The following MGAT5 variants were observed in gnomAD, a reference collection of about 807,000 sequenced individuals.
MGAT5 encodes alpha-1,6-mannosylglycoprotein 6-beta-N-acetylglucosaminyltransferase A.
MGAT5 carries 30 observed loss-of-function variants against 94.3 expected under a neutral mutation model. The observed-to-expected ratio is 0.32, with a 90% confidence interval of 0.24 to 0.43. The LOEUF is 0.43. Among genes scored for constraint, MGAT5 ranks in the 20% least tolerant of loss-of-function variants. MGAT5 has a pLI of 1.00. For synonymous variants in MGAT5, 310 were observed against 322.9 expected, an observed-to-expected ratio of 0.96 and a Z score of 0.43; for missense variants, 691 against 905.5, an observed-to-expected ratio of 0.76 and a Z score of 3.04.
intron 2 of MGAT5, among the ~76,000 whole-genome samples, chr2:134,281,064 C>G (rs748719974): frequency 7.2e-5 from 11 of 152,172 alleles, no homozygotes; most frequent in Non-Finnish European, 1.6e-4. Flanking sequence ...ACTCTGGGTC[C>G]ACTTACATAC....
chr2:134,370,275 T>C (rs1488321750), intron 10 of MGAT5, among the ~76,000 whole-genome samples: 1 of 152,246 alleles, frequency 6.6e-6, no homozygotes, highest in Non-Finnish European at 1.5e-5. Context: ...TTTTTGTAAG[T>C]AGATTAAACC....
intron 2 of MGAT5, among the ~76,000 whole-genome samples, chr2:134,294,387 A>G (rs1480520616): frequency 6.6e-6 from 1 of 152,148 alleles, no homozygotes; most frequent in Non-Finnish European, 1.5e-5. Context: ...ACAAACCACT[A>G]AGACTAAGTA....
intron 1 of MGAT5, among the ~76,000 whole-genome samples, chr2:134,173,951 C>G (rs1446794051): frequency 6.6e-6 from 1 of 152,164 alleles, no homozygotes; most frequent in Admixed American, 6.5e-5. Flanking sequence ...CACTGTTCTC[C>G]CCCACCCAGG....
chr2:134,436,118 A>G (rs1307039798), intron 14 of MGAT5, among the ~76,000 whole-genome samples: 1 of 152,188 alleles, frequency 6.6e-6, no homozygotes, highest in Non-Finnish European at 1.5e-5. Flanking sequence ...CTTATCAGTC[A>G]CCTCATTTTC....
chr2:134,201,343 G>C (rs1367562455), intron 1 of MGAT5, among the ~76,000 whole-genome samples: 2 of 152,072 alleles, frequency 1.3e-5, no homozygotes, highest in African/African-American at 2.4e-5. Context: ...CTGGAGTATG[G>C]GGTTGGGATA....
At chr2:134,266,000 T>G (rs1181980074) in intron 1 of MGAT5, among the ~76,000 whole-genome samples, 2 of 151,734 alleles carry the variant, frequency 1.3e-5, no homozygotes, top group Non-Finnish European at 1.5e-5. Flanking sequence ...AAACCCCATC[T>G]CTACTAAAAA....
At chr2:134,196,944 A>G (rs752267063) in intron 1 of MGAT5, among the ~76,000 whole-genome samples, 1 of 152,200 alleles carries the variant, frequency 6.6e-6, no homozygotes, top group Non-Finnish European at 1.5e-5. Flanking sequence ...TTACAAGGGG[A>G]TTTCCTAAAG....
intron 1 of MGAT5, among the ~76,000 whole-genome samples, chr2:134,170,532 C>T (rs963987788): frequency 6.6e-6 from 1 of 152,208 alleles, no homozygotes; most frequent in African/African-American, 2.4e-5. Context: ...ATGCGGTTTG[C>T]AGGAATTGGC....
chr2:134,391,529 A>G (rs995845188), intron 10 of MGAT5, among the ~76,000 whole-genome samples: 1 of 152,166 alleles, frequency 6.6e-6, no homozygotes. Context: ...CAGACAGCCA[A>G]TGTCTTATCC....
chr2:134,195,650 T>C (rs2105255955), intron 1 of MGAT5, among the ~76,000 whole-genome samples: 1 of 152,340 alleles, frequency 6.6e-6, no homozygotes, highest in Non-Finnish European at 1.5e-5. Context: ...TTTTAATTCC[T>C]AGTACCTACT....
At chr2:134,383,922 G>T (rs1185770686) in intron 10 of MGAT5, among the ~76,000 whole-genome samples, 1 of 152,008 alleles carries the variant, frequency 6.6e-6, no homozygotes, top group African/African-American at 2.4e-5. Context: ...CCTCGTCACC[G>T]CCTGCCTCGG....
rs113582076 is a variant in MGAT5, at chr2:134,189,592, G to GTTTTTTTTTTTTTTTTT, written c.-142-64661_-142-64660insTTTTTTTTTTTTTTTTT. On this transcript the variant is annotated intron_variant, in intron 1 of 16. Transcript: ENST00000409645. Reference sequence around the variant, plus strand: ...ACATATGACTAACCTCATGGCTCTAGTTTTTTTTTGTTTTTTTTTTTTTTT... The same window carrying GTTTTTTTTTTTTTTTTT: ...ACATATGACTAACCTCATGGCTCTAGTTTTTTTTTTTTTTTTTTTTTTTTTTGTTTTTTTTTTTTTTT... 1.6e-3 allele frequency among the ~76,000 whole-genome samples: 92 copies of GTTTTTTTTTTTTTTTTT among 56,254 alleles called. 2 individuals carry two copies. The highest frequency in any genetic ancestry group is 3.9e-3 in the South Asian group (6 of 1,554). 36.9% of individuals were successfully genotyped at this position (56,254 alleles called of 152,430 possible). A position where few individuals can be genotyped will look rare whatever the true frequency, so the allele number is the denominator to read the frequency against.
chr2:134,202,741 C>G (rs1042807019), intron 1 of MGAT5, among the ~76,000 whole-genome samples: 1 of 152,320 alleles, frequency 6.6e-6, no homozygotes, highest in African/African-American at 2.4e-5. Context: ...TAATCCTATA[C>G]GGCCAATTGT....
In MGAT5 at chr2:134,145,214, C is replaced by CTG. The variant is rs59065013; in HGVS notation, c.-143+24953_-143+24954dup. ...GTAAGGTGTGTGTGTGTCTCTCTCT[C>CTG]TGTGTGTGTGTGTGTGTGTGTGTGT... On this transcript the variant is annotated intron_variant, in intron 1 of 16. Transcript: ENST00000409645. Among the ~76,000 whole-genome samples the CTG allele has an allele frequency of 8.0e-3, 1,157 of 143,854 alleles. 5 individuals carry two copies. The highest frequency in any genetic ancestry group is 8.5e-3 in the Non-Finnish European group (557 of 65,394). 94.4% of individuals were successfully genotyped at this position (143,854 alleles called of 152,430 possible).
chr2:134,135,687 T>A (rs1686371704), intron 1 of MGAT5, among the ~76,000 whole-genome samples: 1 of 78,860 alleles, frequency 1.3e-5, no homozygotes, highest in African/African-American at 4.6e-5. Context: ...TGAGACTCCA[T>A]CTCAAAAAAA....
chr2:134,237,936 A>C (rs1681751673), intron 1 of MGAT5, among the ~76,000 whole-genome samples: 2 of 151,870 alleles, frequency 1.3e-5, no homozygotes, highest in Admixed American at 1.3e-4. Context: ...TTTTTAGTAG[A>C]GATGGTGTTT....
chr2:134,138,365 G>C (rs893443211), intron 1 of MGAT5, among the ~76,000 whole-genome samples: 5 of 152,152 alleles, frequency 3.3e-5, no homozygotes, highest in African/African-American at 1.2e-4. Flanking sequence ...ACTTTGTGGA[G>C]AGCATAAATA....
At chr2:134,362,009 A>C (rs1680129509) in intron 9 of MGAT5, among the ~76,000 whole-genome samples, 1 of 152,164 alleles carries the variant, frequency 6.6e-6, no homozygotes, top group African/African-American at 2.4e-5. Flanking sequence ...TACACAGCTT[A>C]ATGATTTTCA....
chr2:134,318,254 ACGCACTGTATTT>A (rs1243157729), intron 3 of MGAT5, among the ~76,000 whole-genome samples: 2 of 152,088 alleles, frequency 1.3e-5, no homozygotes, highest in African/African-American at 2.4e-5. Context: ...GCCCTCCTTC[ACGCACTGTATTT>A]CAGGTACCAT....
Sources: gnomAD v4.1 joint callset for allele counts (sites outside exome capture counted in the v4.1 genomes callset) on GRCh38, gnomAD v4.1.1 for gene constraint, MANE v1.5 for transcripts, NCBI Gene and HGNC (gene_info 2026-07-23, HGNC 2026-07-21) for gene names.